The following TIE1 variants were observed in gnomAD, a reference collection of about 807,000 sequenced individuals.
TIE1 encodes tyrosine-protein kinase receptor Tie-1.
TIE1 carries 89 observed loss-of-function variants against 130.5 expected under a neutral mutation model. The ratio of observed to expected loss-of-function variants is 0.68; its 90% CI spans 0.57 to 0.81. TIE1 has a LOEUF of 0.81. TIE1 is among the 40% of genes least tolerant of loss of function. The pLI is 0.00. For missense variants in TIE1, 1,392 were observed against 1,559.8 expected (o/e 0.89, Z 1.81); for synonymous variants, 568 against 629.4 (o/e 0.90, Z 1.46).
rs959560836 is a variant in TIE1, at chr1:43,319,007, C to G, written c.2923-228C>G. On this transcript the variant is annotated intron_variant, in intron 17 of 22. Coordinates refer to ENST00000372476, the MANE Select transcript of TIE1 (RefSeq NM_005424.5). The surrounding 1 kb of genome is among the most constrained non-coding windows in gnomAD (Gnocchi z 4.7). ...AGGTGCAGTATGGCCACCACTGTCT[C>G]AGGAAAAGGGATCCAGCCTGAACTT... 2.0e-5 allele frequency among the ~76,000 whole-genome samples: 3 copies of G among 152,006 alleles called. No individual in the cohort carries two copies. Among genetic ancestry groups the G allele is most frequent in the African/African-American group, 7.3e-5 (3 of 41,344 alleles).
At chr1:43,301,737 C>T (rs1646672531) in intron 1 of TIE1, among the ~76,000 whole-genome samples, 1 of 152,102 alleles carries the variant, frequency 6.6e-6, no homozygotes, top group Non-Finnish European at 1.5e-5. Flanking sequence ...GGCGTGGTGG[C>T]AGGAGCCTGT....
In TIE1 at chr1:43,316,168, G is replaced by A; in HGVS notation, c.2410-1031G>A. The stretch of plus-strand genomic sequence containing the variant: ...ATGAGTGCACACGTGCATCCCCTGT[G>A]AGTGCCACATGTTTAAATGCGTGTG... On this transcript the variant is annotated intron_variant, in intron 14 of 22. Transcript: ENST00000372476. The surrounding 1 kb of genome is among the most constrained non-coding windows in gnomAD (Gnocchi z 4.4). Among the ~76,000 whole-genome samples the A allele has an allele frequency of 6.6e-6, 1 of 152,376 alleles. No individual in the cohort carries two copies. The highest frequency in any genetic ancestry group is 2.4e-5 in the African/African-American group (1 of 41,584).
chr1:43,314,240 A>G, intron 14 of TIE1: 1 of 701,364 alleles, frequency 1.4e-6, no homozygotes, highest in South Asian at 1.9e-5. Context: ...ATATTTCACA[A>G]TGGACATTCC....
At chr1:43,301,370 C>G (rs1158505530) in intron 1 of TIE1, among the ~76,000 whole-genome samples, 1 of 151,698 alleles carries the variant, frequency 6.6e-6, no homozygotes, top group Non-Finnish European at 1.5e-5. Context: ...ACCTGTAATC[C>G]CAGCACTTTG....
At position 43,316,058 on chromosome 1, in the gene TIE1, C is replaced by T. The variant is rs896212695; in HGVS notation, c.2410-1141C>T. On this transcript the variant is annotated intron_variant, in intron 14 of 22. Coordinates refer to ENST00000372476, the MANE Select transcript of TIE1 (RefSeq NM_005424.5). This position sits in a 1 kb window ranked among gnomAD's most constrained non-coding sequence, Gnocchi z 4.4. ...TGGGCAACAGAGCGAGACCTTGTCT[C>T]AAAACAAACAAAAAGATATATCCCT... 2.0e-5 allele frequency among the ~76,000 whole-genome samples: 3 copies of T among 152,098 alleles called. No individual in the cohort carries two copies. Among genetic ancestry groups the T allele is most frequent in the African/African-American group, 4.8e-5 (2 of 41,406 alleles).
chr1:43,304,514 T>C (rs1646702916), intron 1 of TIE1, among the ~76,000 whole-genome samples: 1 of 152,178 alleles, frequency 6.6e-6, no homozygotes, highest in Non-Finnish European at 1.5e-5. Context: ...GATCATTCTT[T>C]CCGAAAGCTG....
rs375655541 is a variant in TIE1, at chr1:43,306,852, A to G, written c.497A>G (p.Tyr166Cys). The G allele has an allele frequency of 2.5e-6, 4 of 1,612,154 alleles. No homozygotes were observed. The highest frequency in any genetic ancestry group is 2.7e-5 in the African/African-American group (2 of 74,840). The part of the protein sequence containing the change: ...VIWKSNGSYF[Y>C]TLDWHEAQDG... ...TCATGTCCCCCAGGATCCTACTTCT[A>G]CACCCTGGACTGGCATGAAGCCCAG... The change falls in exon 4 of 23, where the codon TAC (tyrosine) becomes TGC (cysteine). Residue 166 changes from tyrosine to cysteine, a missense_variant. Transcript: ENST00000372476. The surrounding 1 kb of genome is among the most constrained non-coding windows in gnomAD (Gnocchi z 4.9).
In TIE1 at chr1:43,307,886, G is replaced by T; in HGVS notation, c.1004G>T (p.Cys335Phe). Residue 335 changes from cysteine (C) to phenylalanine (F), a missense_variant, in exon 7 of 23, where the codon TGC becomes TTC. By Grantham distance (205) the Cys-to-Phe change is radical. Coordinates refer to ENST00000372476, the MANE Select transcript of TIE1 (RefSeq NM_005424.5). This position sits in a 1 kb window ranked among gnomAD's most constrained non-coding sequence, Gnocchi z 5.4. ...GTCDRFSGCV[C>F]PSGWHGVHCE... ...TGTGACCGGTTCAGTGGTTGTGTCT[G>T]CCCCTCTGGGTGGCATGGAGTGCAC... is the stretch of plus-strand genomic sequence containing the variant. 2 of 1,614,168 alleles carry T rather than the reference G, an allele frequency of 1.2e-6. No individual in the cohort carries two copies. The highest frequency in any genetic ancestry group is 8.5e-7 in the Non-Finnish European group (1 of 1,180,028).
Position 43,319,413 on chromosome 1 carries a change from C to T in TIE1, c.3037-46C>T, listed in dbSNP as rs897245306. ...GGCCCTGCCCCACAGGAGCCTCAAACAGGCCCTTCCTCCACACTCAGCCCC... is the reference window on the plus strand; with the variant it reads ...GGCCCTGCCCCACAGGAGCCTCAAATAGGCCCTTCCTCCACACTCAGCCCC... On this transcript the variant is annotated intron_variant, in intron 18 of 22. Transcript: ENST00000372476. The surrounding 1 kb of genome is among the most constrained non-coding windows in gnomAD (Gnocchi z 4.7). 3 of 1,612,672 alleles carry T rather than the reference C, an allele frequency of 1.9e-6. No individual in the cohort carries two copies. The South Asian group carries it at 3.3e-5, about 18-fold the overall frequency.
At position 43,312,125 on chromosome 1, in the gene TIE1, T is replaced by C. The variant is rs751290418; in HGVS notation, c.1624T>C (p.Cys542Arg). Residue 542 changes from cysteine (C) to arginine (R), a missense_variant, in exon 11 of 23, where the codon TGT becomes CGT. Cys to Arg is a radical substitution (Grantham distance 180). Around this residue, in one of 6 missense-constraint regions of TIE1, gnomAD observed 551 missense variants for 565.5 expected, o/e 0.97. Transcript: ENST00000372476. The surrounding 1 kb of genome is among the most constrained non-coding windows in gnomAD (Gnocchi z 5.6). ...GCCTCCCACCCTCATGACCACAGAC[T>C]GTCCTGGTGAGAGGCCAAGAGTCAT... ...WGPPTLMTTD[C>R]PEPLLQPWLE... is the part of the protein sequence containing the mutation. 4.5e-6 allele frequency: 7 copies of C among 1,545,720 alleles called. No individual in the cohort carries two copies. The highest frequency in any genetic ancestry group is 6.1e-6 in the Non-Finnish European group (7 of 1,145,690).
rs767700660 is a variant in TIE1 at position 43,306,967 on chromosome 1, C to T, written c.612C>T (p.Gly204=). 2.8e-5 allele frequency: 45 copies of T among 1,613,846 alleles called. No individual in the cohort carries two copies. The highest frequency in any genetic ancestry group is 1.9e-5 in the Non-Finnish European group (23 of 1,180,020). The change falls in exon 4 of 23, where the codon GGC becomes GGT. Residue 204 remains glycine (G), a synonymous_variant. Coordinates refer to ENST00000372476, the MANE Select transcript of TIE1 (RefSeq NM_005424.5). The surrounding 1 kb of genome is among the most constrained non-coding windows in gnomAD (Gnocchi z 4.9). ...CTTACCTGGAAGCCAGCCCCCTGGG[C>T]AGCGCCTTCTTTCGGCTCATCGTGC... ...SATYLEASPL[G]SAFFRLIVRG...
intron 7 of TIE1, 114 bp from the exon 8 acceptor site, chr1:43,308,872 C>G (rs1646758465): frequency 6.9e-7 from 1 of 1,442,116 alleles, no homozygotes; most frequent in Non-Finnish European, 9.7e-7. Flanking sequence ...GGTTTTCAGG[C>G]TGGAGGGACT....
At chr1:43,311,852 C>G (rs1249837366) in intron 10 of TIE1, 23 bp downstream of exon 10, 2 of 1,608,408 alleles carry the variant, frequency 1.2e-6, no homozygotes, top group East Asian at 4.5e-5. Context: ...AGAGCTGGGG[C>G]AGGACAGAGG....
In TIE1 at chr1:43,322,742, G is replaced by T. The variant is rs528263519; in HGVS notation, c.*20G>T. On this transcript the variant is annotated 3_prime_UTR_variant, in exon 23 of 23. Transcript: ENST00000372476. This position sits in a 1 kb window ranked among gnomAD's most constrained non-coding sequence, Gnocchi z 4.0. Reference sequence around the variant, plus strand: ...GCCTGAGCTGCCATCCAGCCAGAACGTGGCTCTGCTGGCCGGAGCAAACTC... The same window carrying T: ...GCCTGAGCTGCCATCCAGCCAGAACTTGGCTCTGCTGGCCGGAGCAAACTC... The T allele has an allele frequency of 5.0e-6, 8 of 1,611,842 alleles. No homozygotes were observed. The South Asian group carries it at 7.7e-5, about 16-fold the overall frequency.
rs1557445074 is a variant in TIE1 at position 43,309,484 on chromosome 1, T to C, written c.1285T>C (p.Ser429Pro). 6.2e-7 allele frequency: 1 copy of C among 1,608,982 alleles called. No individual in the cohort carries two copies. The highest frequency in any genetic ancestry group is 1.1e-5 in the South Asian group (1 of 90,328). ...ADSGFWECRV[S>P]TSGGQDSRRF... is the part of the protein sequence containing the mutation. ...CAGTGGGTTCTGGGAGTGCCGTGTG[T>C]CCACATCTGGCGGCCAAGACAGCCG... is the stretch of plus-strand genomic sequence containing the variant. The change falls in exon 9 of 23, where the codon TCC becomes CCC. Residue 429 changes from serine (S) to proline (P), a missense_variant. Coordinates refer to ENST00000372476, the MANE Select transcript of TIE1 (RefSeq NM_005424.5). The surrounding 1 kb of genome is among the most constrained non-coding windows in gnomAD (Gnocchi z 6.3).
rs754330440 is a variant in TIE1, at chr1:43,319,358, A to G, written c.3036+10A>G. On this transcript the variant is annotated intron_variant, in intron 18 of 22. Transcript: ENST00000372476. This position sits in a 1 kb window ranked among gnomAD's most constrained non-coding sequence, Gnocchi z 4.7. ...TGTGAAGAAGACGATGGTGAGTCTC[A>G]TTCAACCCTCACCCTTAGGGCTTGT... The G allele has an allele frequency of 6.2e-7, 1 of 1,611,394 alleles. No homozygotes were observed. Among genetic ancestry groups the G allele is most frequent in the Non-Finnish European group, 8.5e-7 (1 of 1,177,568 alleles).
Position 43,319,127 on chromosome 1 carries a change from G to A in TIE1, c.2923-108G>A. On this transcript the variant is annotated intron_variant, in intron 17 of 22. Coordinates refer to ENST00000372476, the MANE Select transcript of TIE1 (RefSeq NM_005424.5). The surrounding 1 kb of genome is among the most constrained non-coding windows in gnomAD (Gnocchi z 4.7). Reference sequence around the variant, plus strand: ...ATTGCAGCCAGGAGGGTAGGAGTATGGGGTATTGAAGGTAACAAGGGTACC... The same window carrying A: ...ATTGCAGCCAGGAGGGTAGGAGTATAGGGTATTGAAGGTAACAAGGGTACC... 1.3e-6 allele frequency: 1 copy of A among 768,930 alleles called. No individual in the cohort carries two copies. The allele number at this position is 768,930 out of a possible 1,614,324, so 47.6% of individuals were successfully genotyped here.
chr1:43,317,299 A>G lies in TIE1; in HGVS notation c.2510A>G (p.Glu837Gly), dbSNP rs1449230726. 3 of 1,614,162 alleles carry G rather than the reference A, an allele frequency of 1.9e-6. No homozygotes were observed. Among genetic ancestry groups the G allele is most frequent in the Non-Finnish European group, 2.5e-6 (3 of 1,180,028 alleles). ...CTGAGCTACCCAGTGCTAGAGTGGG[A>G]GGACATCACCTTTGAGGACCTCATC... ...EPLSYPVLEW[E>G]DITFEDLIGE... Residue 837 changes from glutamate to glycine, a missense_variant, in exon 15 of 23, where the codon GAG (glutamate) becomes GGG (glycine). Coordinates refer to ENST00000372476, the MANE Select transcript of TIE1 (RefSeq NM_005424.5). The surrounding 1 kb of genome is among the most constrained non-coding windows in gnomAD (Gnocchi z 5.1).
At chr1:43,308,889 A>G (rs1363730063) in intron 7 of TIE1, 97 bp from the exon 8 acceptor site, 1 of 1,538,524 alleles carries the variant, frequency 6.5e-7, no homozygotes, top group Non-Finnish European at 9.0e-7. Flanking sequence ...GACTGGGTAG[A>G]TACCTCCACT....
Sources: gnomAD v4.1 joint callset for allele counts (sites outside exome capture counted in the v4.1 genomes callset) on GRCh38, gnomAD v4.1.1 for gene constraint, gnomAD v4.1.1 regional missense constraint, Gnocchi (gnomAD v3.1) non-coding constraint, MANE v1.5 for transcripts, NCBI Gene and HGNC (gene_info 2026-07-23, HGNC 2026-07-21) for gene names.